The following SLC12A6 variants were observed in gnomAD, a reference collection of about 807,000 sequenced individuals.
The protein encoded by SLC12A6 is solute carrier family 12 member 6.
SLC12A6 carries 66 observed loss-of-function variants against 135.3 expected under a neutral mutation model. That is an observed-to-expected ratio of 0.49 (90% CI 0.40 to 0.60). The LOEUF is 0.60. SLC12A6 is among the 20% of genes least tolerant of loss of function. The pLI is 0.00. For missense variants in SLC12A6, 1,058 were observed against 1,452.3 expected (o/e 0.73, Z 4.41); for synonymous variants, 513 against 508.8 (o/e 1.01, Z -0.11).
At chr15:34,301,142 C>CT (rs1322004683) in intron 2 of SLC12A6, among the ~76,000 whole-genome samples, 5 of 151,900 alleles carry the variant, frequency 3.3e-5, no homozygotes, top group Non-Finnish European at 7.4e-5. Context: ...CTAATTTTGT[C>CT]TTTTTTAGTA....
At chr15:34,316,474 A>C (rs1295559210) in intron 2 of SLC12A6, among the ~76,000 whole-genome samples, 1 of 152,200 alleles carries the variant, frequency 6.6e-6, no homozygotes, top group Non-Finnish European at 1.5e-5. Context: ...CCTTATAATA[A>C]AGGCAAGTGC....
At chr15:34,310,361 CAA>C (rs2141064231) in intron 2 of SLC12A6, among the ~76,000 whole-genome samples, 3 of 94,032 alleles carry the variant, frequency 3.2e-5, no homozygotes, top group African/African-American at 1.3e-4. Flanking sequence ...CTCCTGGGCT[CAA>C]GTGTGTGTGT....
intron 3 of SLC12A6, among the ~76,000 whole-genome samples, chr15:34,262,457 G>A (rs1281740706): frequency 1.3e-5 from 2 of 152,020 alleles, no homozygotes; most frequent in African/African-American, 4.8e-5. Flanking sequence ...TCTTGGATGT[G>A]GAACAAGAAC....
intron 2 of SLC12A6, among the ~76,000 whole-genome samples, chr15:34,279,442 A>G (rs16958922): frequency 0.032 from 4,829 of 152,264 alleles, 271 homozygotes; most frequent in African/African-American, 0.11. Context: ...AAAAATTACA[A>G]TTGTTCAGTG....
intron 2 of SLC12A6, among the ~76,000 whole-genome samples, chr15:34,313,215 A>G (rs1369520186): frequency 6.6e-6 from 1 of 151,614 alleles, no homozygotes; most frequent in Non-Finnish European, 1.5e-5. Flanking sequence ...CTCTTGCACT[A>G]AAGAGCAAGT....
chr15:34,260,073 A>T (rs1339774404), intron 4 of SLC12A6, among the ~76,000 whole-genome samples: 1 of 152,192 alleles, frequency 6.6e-6, no homozygotes, highest in Non-Finnish European at 1.5e-5. Context: ...AAGAAAGTCA[A>T]ATTCAAATAT....
At chr15:34,296,441 CAA>C (rs1381314546) in intron 2 of SLC12A6, among the ~76,000 whole-genome samples, 1 of 152,000 alleles carries the variant, frequency 6.6e-6, no homozygotes, top group Non-Finnish European at 1.5e-5. Context: ...GTGTAAATTT[CAA>C]AAAAGACTCG....
At chr15:34,287,900 A>T (rs1895219359) in intron 2 of SLC12A6, among the ~76,000 whole-genome samples, 1 of 152,138 alleles carries the variant, frequency 6.6e-6, no homozygotes, top group African/African-American at 2.4e-5. Flanking sequence ...ATGGATAGAT[A>T]GCAAAAATTT....
intron 10 of SLC12A6, 58 bp from the exon 11 acceptor site, chr15:34,251,115 A>ATCT: frequency 8.0e-7 from 1 of 1,255,448 alleles, no homozygotes; most frequent in Non-Finnish European, 1.2e-6. Context: ...AAAGATAATT[A>ATCT]ATTTTCTACC....
At chr15:34,236,616 A>T in intron 23 of SLC12A6, 92 bp downstream of exon 23, 4 of 848,056 alleles carry the variant, frequency 4.7e-6, no homozygotes, top group Non-Finnish European at 6.2e-6. Context: ...TGCTGGGATT[A>T]CAGGCGTGAG....
Position 34,257,726 on chromosome 15 carries a change from C to G in SLC12A6, c.606G>C (p.Val202=). The G allele has an allele frequency of 6.2e-7, 1 of 1,611,082 alleles. No homozygotes were observed. Among genetic ancestry groups the G allele is most frequent in the Non-Finnish European group, 8.5e-7 (1 of 1,177,266 alleles). Residue 202 remains valine, a synonymous_variant, in exon 6 of 26, where the codon GTG becomes GTC. Transcript: ENST00000354181. ...CCCATGTAAGGCGTAAAAAAAGGAT[C>G]ACTCCAAAAATATTTTGTAGACATG... ...YLPCLQNIFG[V]ILFLRLTWVV...
At chr15:34,263,106 T>A (rs559231653) in intron 3 of SLC12A6, among the ~76,000 whole-genome samples, 80 of 150,920 alleles carry the variant, frequency 5.3e-4, no homozygotes, top group Non-Finnish European at 9.9e-4. Context: ...ACATGTACCC[T>A]CTAAATCCAA....
intron 2 of SLC12A6, among the ~76,000 whole-genome samples, chr15:34,329,414 C>G (rs1161053585): frequency 6.6e-6 from 1 of 152,196 alleles, no homozygotes; most frequent in African/African-American, 2.4e-5. Context: ...CTTCTTCTAA[C>G]AGCTTTAAAA....
chr15:34,294,563 CT>C (rs11307820), intron 2 of SLC12A6, among the ~76,000 whole-genome samples: 65,778 of 151,492 alleles, frequency 0.43, 16,939 homozygotes, highest in African/African-American at 0.74. Context: ...CCCTAAATAC[CT>C]TTTTTTTAAT....
Position 34,229,860 on chromosome 15 carries a change from C to T in SLC12A6, c.*4021G>A. 2 of 1,386,588 alleles carry T rather than the reference C, an allele frequency of 1.4e-6. No homozygotes were observed. The highest frequency in any genetic ancestry group is 2.1e-6 in the Non-Finnish European group (2 of 972,970). The allele number at this position is 1,386,588 out of a possible 1,614,324, so 85.9% of individuals were successfully genotyped here. ...CATCCTTCTTTAAGCCCAGTGGCTC[C>T]TCAGCATACTCTTAAACTAATCACT... is the stretch of plus-strand genomic sequence containing the variant. On this transcript the variant is annotated 3_prime_UTR_variant, in exon 26 of 26. Transcript: ENST00000354181.
At chr15:34,306,405 T>C (rs746339249) in intron 2 of SLC12A6, among the ~76,000 whole-genome samples, 2 of 152,192 alleles carry the variant, frequency 1.3e-5, no homozygotes, top group Non-Finnish European at 2.9e-5. Context: ...CCTCCAGGAA[T>C]TCATGGATAT....
chr15:34,276,778 C>G (rs426232), intron 2 of SLC12A6, among the ~76,000 whole-genome samples: 11,927 of 152,112 alleles, frequency 0.078, 1,588 homozygotes, highest in African/African-American at 0.27. Flanking sequence ...ATTTTTATAT[C>G]ACATTATTGT....
rs749657345 is a variant in SLC12A6 at position 34,336,520 on chromosome 15, G to A, written c.161C>T (p.Thr54Ile). The change falls in exon 2 of 26, where the codon ACA becomes ATA. Residue 54 changes from threonine to isoleucine, a missense_variant. By Grantham distance (89) the Thr-to-Ile change is moderately conservative. Coordinates refer to ENST00000354181, the MANE Select transcript of SLC12A6 (RefSeq NM_001365088.1). ...CTCACTCATAGGCTCACTCCGGCTT[G>A]TTTCAGGCACGCTTTCCCGGGAGCT... ...RFSSRESVPE[T>I]SRSEPMSEMS... The A allele has an allele frequency of 6.2e-7, 1 of 1,613,948 alleles. No individual in the cohort carries two copies. The highest frequency in any genetic ancestry group is 8.5e-7 in the Non-Finnish European group (1 of 1,179,886).
At chr15:34,310,749 GTGT>G in intron 2 of SLC12A6, among the ~76,000 whole-genome samples, 1 of 116,708 alleles carries the variant, frequency 8.6e-6, no homozygotes, top group African/African-American at 3.5e-5. Flanking sequence ...GTCCAGGCTG[GTGT>G]TGAACTCCTG....
Sources: allele counts gnomAD v4.1 joint callset (sites outside exome capture counted in the v4.1 genomes callset), GRCh38; gene constraint gnomAD v4.1.1; transcripts MANE v1.5; gene names NCBI Gene and HGNC (gene_info 2026-07-23, HGNC 2026-07-21).